KIAA1328: variants seen among roughly 807,000 people sequenced by gnomAD.
KIAA1328 encodes protein hinderin.
KIAA1328 carries 52 observed loss-of-function variants against 68.1 expected under a neutral mutation model. The observed-to-expected ratio is 0.76, with a 90% confidence interval of 0.61 to 0.96. The LOEUF (loss-of-function observed/expected upper bound fraction) is 0.96. Ranked by LOEUF, KIAA1328 falls within the 40% of genes least tolerant of loss-of-function variation. The pLI is 0.00. For missense variants in KIAA1328, 641 were observed against 677.6 expected, an observed-to-expected ratio of 0.95 and a Z score of 0.60; for synonymous variants, 232 against 239.4, an observed-to-expected ratio of 0.97 and a Z score of 0.28.
chr18:37,138,081 C>T (rs552284932), intron 7 of KIAA1328, among the ~76,000 whole-genome samples: 1 of 152,040 alleles, frequency 6.6e-6, no homozygotes, highest in Non-Finnish European at 1.5e-5. Context: ...TGCTCTTAAG[C>T]CTTTTAAATG....
chr18:37,005,553 T>G (rs961387297), intron 6 of KIAA1328, among the ~76,000 whole-genome samples: 2 of 152,018 alleles, frequency 1.3e-5, no homozygotes, highest in Non-Finnish European at 2.9e-5. Flanking sequence ...TGATTCCTCA[T>G]AAAACTAAAA....
At chr18:37,032,970 C>T (rs774544924) in intron 6 of KIAA1328, among the ~76,000 whole-genome samples, 10 of 152,080 alleles carry the variant, frequency 6.6e-5, no homozygotes, top group Non-Finnish European at 1.5e-4. Flanking sequence ...GATATTCTGC[C>T]GTCATTCTTA....
chr18:37,107,680 G>A (rs1278128390), intron 7 of KIAA1328, among the ~76,000 whole-genome samples: 3 of 152,116 alleles, frequency 2.0e-5, no homozygotes, highest in Non-Finnish European at 4.4e-5. Flanking sequence ...TTGGTATATA[G>A]AAATGGCACT....
chr18:37,043,179 C>A (rs886197380), intron 6 of KIAA1328, among the ~76,000 whole-genome samples: 3 of 152,202 alleles, frequency 2.0e-5, no homozygotes, highest in Non-Finnish European at 2.9e-5. Context: ...TCTTTTAGAT[C>A]TTTCAACACA....
intron 5 of KIAA1328, among the ~76,000 whole-genome samples, chr18:36,935,751 A>G (rs2050475976): frequency 6.6e-6 from 1 of 152,138 alleles, no homozygotes; most frequent in Admixed American, 6.6e-5. Context: ...TGTTAAGTAT[A>G]TACTGTGTGT....
At chr18:37,051,729 T>G (rs2055700857) in intron 6 of KIAA1328, among the ~76,000 whole-genome samples, 1 of 152,094 alleles carries the variant, frequency 6.6e-6, no homozygotes, top group Admixed American at 6.6e-5. Flanking sequence ...TACCAAAATC[T>G]GGCAAAGACA....
intron 6 of KIAA1328, among the ~76,000 whole-genome samples, chr18:37,043,926 G>A (rs1033064757): frequency 4.6e-5 from 7 of 152,158 alleles, no homozygotes; most frequent in Non-Finnish European, 2.9e-5. Flanking sequence ...TCTGCTATAA[G>A]GTAACTTAAG....
At chr18:37,133,668 G>A (rs1349653112) in intron 7 of KIAA1328, among the ~76,000 whole-genome samples, 1 of 151,430 alleles carries the variant, frequency 6.6e-6, no homozygotes, top group African/African-American at 2.4e-5. Context: ...TGGAACTACA[G>A]GTGCCTGCCA....
chr18:36,871,882 G>A (rs1298588599), intron 4 of KIAA1328, among the ~76,000 whole-genome samples: 1 of 152,096 alleles, frequency 6.6e-6, no homozygotes, highest in East Asian at 1.9e-4. Context: ...ATGTGGGCAG[G>A]TAAGAGTGGA....
At chr18:37,172,935 A>G in intron 8 of KIAA1328, 38 bp from the exon 9 acceptor site, 1 of 1,484,304 alleles carries the variant, frequency 6.7e-7, no homozygotes, top group Non-Finnish European at 9.3e-7. Context: ...ATTTTCTTTT[A>G]CTGAATGCCC....
intron 4 of KIAA1328, among the ~76,000 whole-genome samples, chr18:36,880,266 C>A (rs544706303): frequency 6.6e-6 from 1 of 152,152 alleles, no homozygotes; most frequent in Non-Finnish European, 1.5e-5. Flanking sequence ...TCAGGGCTTC[C>A]CTTTGCTAGT....
intron 9 of KIAA1328, among the ~76,000 whole-genome samples, chr18:37,209,418 T>C (rs1431677369): frequency 6.6e-6 from 1 of 152,110 alleles, no homozygotes; most frequent in Non-Finnish European, 1.5e-5. Context: ...CCTACCCTTA[T>C]GGAGCCCATA....
At chr18:36,943,653 T>A (rs1218547195) in intron 5 of KIAA1328, among the ~76,000 whole-genome samples, 1 of 152,230 alleles carries the variant, frequency 6.6e-6, no homozygotes, top group Non-Finnish European at 1.5e-5. Flanking sequence ...ACAAGTCATT[T>A]GGGTGTTGGA....
chr18:37,143,521 CTTTTTTTT>C (rs57046567), intron 7 of KIAA1328, among the ~76,000 whole-genome samples: 9 of 90,778 alleles, frequency 9.9e-5, no homozygotes, highest in African/African-American at 3.4e-4. Flanking sequence ...TTTTTTCTTT[CTTTTTTTT>C]TTTTTTTTTT....
chr18:36,881,929 T>C (rs1483708024), intron 4 of KIAA1328, among the ~76,000 whole-genome samples: 1 of 152,208 alleles, frequency 6.6e-6, no homozygotes, highest in Non-Finnish European at 1.5e-5. Flanking sequence ...AGTTTTTATG[T>C]GGACATATGT....
chr18:36,956,526 G>T (rs2051423288), intron 5 of KIAA1328, among the ~76,000 whole-genome samples: 1 of 146,426 alleles, frequency 6.8e-6, no homozygotes, highest in Non-Finnish European at 1.5e-5. Context: ...GTCTCATTGT[G>T]CTAAGGAGGA....
At chr18:36,951,932 T>C (rs2051176946) in intron 5 of KIAA1328, among the ~76,000 whole-genome samples, 1 of 152,180 alleles carries the variant, frequency 6.6e-6, no homozygotes, top group Admixed American at 6.6e-5. Context: ...TCCTTTACTC[T>C]CCTACCAGAG....
chr18:37,227,343 G>A (rs12326215), downstream of KIAA1328, among the ~76,000 whole-genome samples: 4,195 of 152,310 alleles, frequency 0.028, 199 homozygotes, highest in African/African-American at 0.096. Flanking sequence ...GATTTTCAAT[G>A]TAAATTAAAC....
chr18:37,122,111 G>T (rs185782116), intron 7 of KIAA1328, among the ~76,000 whole-genome samples: 9 of 152,190 alleles, frequency 5.9e-5, no homozygotes, highest in Non-Finnish European at 1.3e-4. Flanking sequence ...TCAAGAATTA[G>T]CTGTGAAAGA....
Sources: gnomAD v4.1 joint callset for allele counts (sites outside exome capture counted in the v4.1 genomes callset) on GRCh38, gnomAD v4.1.1 for gene constraint, MANE v1.5 for transcripts, NCBI Gene and HGNC (gene_info 2026-07-23, HGNC 2026-07-21) for gene names.